PALM2AKAP2: variants seen among roughly 807,000 people sequenced by gnomAD.
The protein encoded by PALM2AKAP2 is PALM2-AKAP2 fusion protein.
Under a neutral mutation model 71.5 loss-of-function variants are expected in PALM2AKAP2, and 37 were observed. That is an observed-to-expected ratio of 0.52 (90% CI 0.40 to 0.68). PALM2AKAP2 has a LOEUF of 0.68. Ranked by LOEUF, PALM2AKAP2 falls within the 30% of genes least tolerant of loss-of-function variation. The pLI is 0.00. For synonymous variants in PALM2AKAP2, 468 were observed against 478.8 expected (o/e 0.98, Z 0.29); for missense variants, 1,224 against 1,191.8 (o/e 1.03, Z -0.40).
At chr9:110,145,667 C>G (rs527688326) in intron 2 of PALM2AKAP2, among the ~76,000 whole-genome samples, 1 of 151,882 alleles carries the variant, frequency 6.6e-6, no homozygotes, top group South Asian at 2.1e-4. Flanking sequence ...CCTGTGTTCT[C>G]TTTATCTAAA....
At chr9:110,054,186 G>A (rs1833780606) in intron 1 of PALM2AKAP2, among the ~76,000 whole-genome samples, 1 of 152,224 alleles carries the variant, frequency 6.6e-6, no homozygotes, top group Non-Finnish European at 1.5e-5. Flanking sequence ...AATCACCTGA[G>A]GTCGGGAGTT....
intron 1 of PALM2AKAP2, among the ~76,000 whole-genome samples, chr9:109,831,266 G>A (rs537383127): frequency 3.3e-5 from 5 of 152,032 alleles, no homozygotes; most frequent in South Asian, 2.1e-4. Flanking sequence ...GTGCCTCTCT[G>A]TAGCTGAAGG....
At chr9:110,134,539 G>A (rs1422794817) in intron 1 of PALM2AKAP2, among the ~76,000 whole-genome samples, 1 of 152,186 alleles carries the variant, frequency 6.6e-6, no homozygotes, top group Non-Finnish European at 1.5e-5. Context: ...AGTGAAGAGT[G>A]AAGGAAACCC....
intron 5 of PALM2AKAP2, among the ~76,000 whole-genome samples, chr9:109,925,798 C>T (rs1416625955): frequency 2.0e-5 from 3 of 152,178 alleles, no homozygotes; most frequent in Non-Finnish European, 2.9e-5. Context: ...TGCTCCCTAT[C>T]CTCAGCTGCA....
chr9:109,657,021 A>G (rs766335662), intron 1 of PALM2AKAP2, among the ~76,000 whole-genome samples: 1 of 152,234 alleles, frequency 6.6e-6, no homozygotes, highest in Non-Finnish European at 1.5e-5. Context: ...GTCAACACTT[A>G]TTTCTCAAAT....
intron 6 of PALM2AKAP2, among the ~76,000 whole-genome samples, chr9:110,009,167 C>T (rs1281584030): frequency 1.3e-5 from 2 of 152,150 alleles, no homozygotes; most frequent in African/African-American, 2.4e-5. Flanking sequence ...TCTGTTTTCA[C>T]GTGGTGGTGC....
intron 1 of PALM2AKAP2, among the ~76,000 whole-genome samples, chr9:109,704,699 G>A (rs1471449706): frequency 6.6e-6 from 1 of 152,144 alleles, no homozygotes; most frequent in Non-Finnish European, 1.5e-5. Context: ...TTCAAACCCA[G>A]CTCTGCCACC....
intron 1 of PALM2AKAP2, among the ~76,000 whole-genome samples, chr9:109,858,248 G>T (rs1430895311): frequency 6.6e-6 from 1 of 152,198 alleles, no homozygotes; most frequent in Non-Finnish European, 1.5e-5. Flanking sequence ...GATAATGATA[G>T]TACCTAACTC....
intron 3 of PALM2AKAP2, among the ~76,000 whole-genome samples, chr9:109,903,663 C>T (rs60182145): frequency 0.09 from 13,686 of 152,184 alleles, 1,107 homozygotes; most frequent in East Asian, 0.29. Flanking sequence ...CAGCTGTCTC[C>T]TCCCAGCTTT....
chr9:109,986,407 T>C (rs1262903605), intron 6 of PALM2AKAP2, among the ~76,000 whole-genome samples: 1 of 152,170 alleles, frequency 6.6e-6, no homozygotes, highest in Non-Finnish European at 1.5e-5. Flanking sequence ...ATTCCAAAAA[T>C]AAAGGGCTAT....
intron 1 of PALM2AKAP2, among the ~76,000 whole-genome samples, chr9:109,790,991 G>A (rs1827097670): frequency 6.6e-6 from 1 of 152,218 alleles, no homozygotes. Flanking sequence ...GTCTGAGCAT[G>A]TGTGTTCAAA....
chr9:110,033,987 G>C (rs1428884128), intron 7 of PALM2AKAP2, among the ~76,000 whole-genome samples: 1 of 152,132 alleles, frequency 6.6e-6, no homozygotes, highest in Admixed American at 6.5e-5. Flanking sequence ...TGAGGCACAG[G>C]GAGATAAAGT....
chr9:110,018,402 C>G (rs555094139), intron 7 of PALM2AKAP2, among the ~76,000 whole-genome samples: 1 of 152,266 alleles, frequency 6.6e-6, no homozygotes, highest in African/African-American at 2.4e-5. Context: ...ATGATCGTGG[C>G]TCACTGCAAC....
In PALM2AKAP2 at chr9:109,697,501, C is replaced by T. The variant is rs553438794; in HGVS notation, c.5+56635C>T. Among the ~76,000 whole-genome samples, 5 of 152,112 alleles carry T rather than the reference C, an allele frequency of 3.3e-5. No individual in the cohort carries two copies. In the South Asian group the frequency reaches 1.0e-3, roughly 32 times the overall value. On this transcript the variant is annotated intron_variant, in intron 1 of 6. Transcript: ENST00000374531. ...AAATAAATTATCTGTTATATTATTTCAACAGTGGTAAAAAAGCATTAGTAT... is the reference window on the plus strand; with the variant it reads ...AAATAAATTATCTGTTATATTATTTTAACAGTGGTAAAAAAGCATTAGTAT...
At chr9:109,951,618 G>C (rs1312166113) in intron 6 of PALM2AKAP2, among the ~76,000 whole-genome samples, 1 of 152,198 alleles carries the variant, frequency 6.6e-6, no homozygotes, top group African/African-American at 2.4e-5. Flanking sequence ...GTGTGCTTCA[G>C]AATCACCCGG....
chr9:110,016,309 T>C (rs1166810647), intron 7 of PALM2AKAP2, among the ~76,000 whole-genome samples: 2 of 152,196 alleles, frequency 1.3e-5, no homozygotes, highest in African/African-American at 2.4e-5. Flanking sequence ...ATCTAAGATG[T>C]GATTTCCAAT....
chr9:109,703,716 T>C (rs1172190342), intron 1 of PALM2AKAP2, among the ~76,000 whole-genome samples: 2 of 147,000 alleles, frequency 1.4e-5, no homozygotes, highest in Non-Finnish European at 3.1e-5. Flanking sequence ...TCCTGCAGTG[T>C]GATTGTGTTT....
rs368710616 is a variant in PALM2AKAP2 at position 109,906,352 on chromosome 9, C to T, written c.258-17383C>T. 3.3e-5 allele frequency among the ~76,000 whole-genome samples: 5 copies of T among 152,178 alleles called. No homozygotes were observed. In the East Asian group the frequency reaches 9.6e-4, roughly 29 times the overall value. ...TAGCTGGGATTATAGGCCTGTGCCA[C>T]CATGCCTGGCTAATTTTTGTATTTT... On this transcript the variant is annotated intron_variant, in intron 3 of 9. Transcript: ENST00000302798.
chr9:110,098,339 G>A (rs1190565759), intron 1 of PALM2AKAP2, among the ~76,000 whole-genome samples: 1 of 152,122 alleles, frequency 6.6e-6, no homozygotes, highest in Non-Finnish European at 1.5e-5. Context: ...TATAAAAAGT[G>A]CGTGATACTT....
Sources: gnomAD v4.1 joint callset for allele counts (sites outside exome capture counted in the v4.1 genomes callset) on GRCh38, gnomAD v4.1.1 for gene constraint, MANE v1.5 for transcripts, NCBI Gene and HGNC (gene_info 2026-07-23, HGNC 2026-07-21) for gene names.